CTNND2: variants seen among roughly 807,000 people sequenced by gnomAD.
CTNND2 encodes the protein catenin delta-2.
Under a neutral mutation model 144.4 loss-of-function variants are expected in CTNND2, and 22 were observed. That is an observed-to-expected ratio of 0.15 (90% confidence interval 0.11 to 0.22). The LOEUF (loss-of-function observed/expected upper bound fraction) is 0.22, where lower values mean the gene tolerates loss of function less well. CTNND2 is among the 10% of genes least tolerant of loss of function. The pLI is 1.00. For missense variants in CTNND2, 1,353 were observed against 1,618.8 expected (o/e 0.84, Z 2.82); for synonymous variants, 751 against 695.6 (o/e 1.08, Z -1.25).
intron 3 of CTNND2, among the ~76,000 whole-genome samples, chr5:11,479,670 T>C (rs1212340733): frequency 6.6e-6 from 1 of 152,182 alleles, no homozygotes; most frequent in Admixed American, 6.6e-5. Context: ...TGCTATTTTT[T>C]GATTTCTTAA....
chr5:10,981,340 G>A (rs1201083821), intron 21 of CTNND2, among the ~76,000 whole-genome samples: 1 of 152,200 alleles, frequency 6.6e-6, no homozygotes, highest in African/African-American at 2.4e-5. Flanking sequence ...TATTGAACTT[G>A]CTGTGTCTCC....
intron 16 of CTNND2, among the ~76,000 whole-genome samples, chr5:11,080,502 G>A (rs1368309655): frequency 6.6e-6 from 1 of 152,180 alleles, no homozygotes; most frequent in Non-Finnish European, 1.5e-5. Context: ...GTATCAGTAT[G>A]TCACAGAACC....
chr5:11,048,140 C>G (rs1218781286), intron 16 of CTNND2, among the ~76,000 whole-genome samples: 1 of 152,136 alleles, frequency 6.6e-6, no homozygotes, highest in African/African-American at 2.4e-5. Flanking sequence ...CACCTGAGCT[C>G]CCAGAACCTG....
chr5:11,682,153 G>C lies in CTNND2; in HGVS notation c.174+49983C>G, dbSNP rs1275837100. Among the ~76,000 whole-genome samples, 8 of 152,220 alleles carry C rather than the reference G, an allele frequency of 5.3e-5. 1 individual carries two copies. Among genetic ancestry groups the C allele is most frequent in the Admixed American group, 5.2e-4 (8 of 15,284 alleles). On this transcript the variant is annotated intron_variant, in intron 2 of 21. Transcript: ENST00000304623. ...AATTATCTCTGGTTTCTACAAAGAA[G>C]ACATGCATCGGCGGCACACTGGTTT...
At position 11,364,870 on chromosome 5, in the gene CTNND2, T is replaced by C. The variant is rs769198258; in HGVS notation, c.1198A>G (p.Ser400Gly). 3.1e-6 allele frequency: 5 copies of C among 1,612,198 alleles called. No individual in the cohort carries two copies. Among genetic ancestry groups the C allele is most frequent in the Non-Finnish European group, 3.4e-6 (4 of 1,179,168 alleles). The change falls in exon 8 of 22, where the codon AGC becomes GGC. Residue 400 changes from serine (S) to glycine (G), a missense_variant. Transcript: ENST00000304623. ...SLAAGSRASY[S>G]SQHGHLGPEL... ...GGGCCCAGGTGCCCATGCTGGCTGC[T>C]GTATGAGGCTCGGGAACCAGCTGAA...
chr5:11,386,991 A>G (rs557613431), intron 6 of CTNND2, among the ~76,000 whole-genome samples: 219 of 152,300 alleles, frequency 1.4e-3, no homozygotes, highest in Admixed American at 2.7e-3. Context: ...TCTGAGCATG[A>G]AACATGTATT....
chr5:11,073,703 T>C (rs1164532931), intron 16 of CTNND2, among the ~76,000 whole-genome samples: 8 of 152,176 alleles, frequency 5.3e-5, no homozygotes, highest in Non-Finnish European at 8.8e-5. Flanking sequence ...GCAGCATTCA[T>C]GAAATTAGGT....
At chr5:11,185,597 A>G (rs1735542681) in intron 11 of CTNND2, among the ~76,000 whole-genome samples, 1 of 152,246 alleles carries the variant, frequency 6.6e-6, no homozygotes, top group African/African-American at 2.4e-5. Flanking sequence ...CAACGACAAC[A>G]GCCGTCATGA....
chr5:11,793,577 C>T (rs1301872472), intron 1 of CTNND2, among the ~76,000 whole-genome samples: 2 of 152,162 alleles, frequency 1.3e-5, no homozygotes, highest in African/African-American at 4.8e-5. Context: ...AGGCAGAACG[C>T]CATGGGAACA....
intron 8 of CTNND2, among the ~76,000 whole-genome samples, chr5:11,361,209 C>T (rs1274344542): frequency 6.6e-6 from 1 of 152,066 alleles, no homozygotes; most frequent in Non-Finnish European, 1.5e-5. Flanking sequence ...TTAGTAGAGA[C>T]GGGGTTTCGC....
chr5:11,121,125 A>G (rs150150811), intron 12 of CTNND2, among the ~76,000 whole-genome samples: 2 of 152,350 alleles, frequency 1.3e-5, no homozygotes, highest in East Asian at 3.9e-4. Context: ...TGATACAGCT[A>G]TAAGCATCAC....
Position 11,626,343 on chromosome 5 carries a change from T to C in CTNND2, c.175-61287A>G, listed in dbSNP as rs142838606. ...ACCTCATTTAAAGTTTTAAATTGCA[T>C]TGTCTTAAAAATGAACACTATACTA... On this transcript the variant is annotated intron_variant, in intron 2 of 21. Transcript: ENST00000304623. Among the ~76,000 whole-genome samples, 5 of 152,330 alleles carry C rather than the reference T, an allele frequency of 3.3e-5. No homozygotes were observed. In the East Asian group the frequency reaches 5.8e-4, roughly 18 times the overall value.
chr5:10,988,072 C>T lies in CTNND2; in HGVS notation c.3343+39G>A. ...TATCTCTGCCTTGTCGCGGGTCAAG[C>T]CACCAAGTTCCAGGAGGGGGCGCGC... On this transcript the variant is annotated intron_variant, in intron 20 of 21. Coordinates refer to ENST00000304623, the MANE Select transcript of CTNND2 (RefSeq NM_001332.4). The surrounding 1 kb of genome is among the most constrained non-coding windows in gnomAD (Gnocchi z 5.9). The T allele has an allele frequency of 6.2e-7, 1 of 1,612,430 alleles. No individual in the cohort carries two copies. Among genetic ancestry groups the T allele is most frequent in the South Asian group, 1.1e-5 (1 of 90,812 alleles).
chr5:11,396,867 TTTA>T (rs1290385272), intron 6 of CTNND2, among the ~76,000 whole-genome samples, 161 bp downstream of exon 6: 1 of 152,234 alleles, frequency 6.6e-6, no homozygotes, highest in East Asian at 1.9e-4. Flanking sequence ...TATTTTATTA[TTTA>T]TTTTCTTCAT....
intron 2 of CTNND2, among the ~76,000 whole-genome samples, chr5:11,591,516 C>A (rs1199353570): frequency 6.6e-6 from 1 of 151,474 alleles, no homozygotes; most frequent in African/African-American, 2.4e-5. Flanking sequence ...CTGCTTGATG[C>A]TTCTAACATG....
chr5:10,987,298 A>G (rs1047063246), intron 20 of CTNND2, among the ~76,000 whole-genome samples: 1 of 152,328 alleles, frequency 6.6e-6, no homozygotes, highest in East Asian at 1.9e-4. Context: ...TACAGAGTGT[A>G]CAAGACGTAC....
chr5:11,880,657 TCAC>T (rs1225484554), intron 1 of CTNND2, among the ~76,000 whole-genome samples: 5 of 96,382 alleles, frequency 5.2e-5, no homozygotes, highest in South Asian at 3.5e-4. Context: ...ACTACTACTA[TCAC>T]CACTACTACT....
intron 9 of CTNND2, among the ~76,000 whole-genome samples, chr5:11,314,741 G>C (rs1046453294): frequency 6.6e-6 from 1 of 152,110 alleles, no homozygotes; most frequent in Non-Finnish European, 1.5e-5. Context: ...ATTTCTGTTT[G>C]AACCTCAAAG....
chr5:11,273,005 C>A (rs1208253501), intron 9 of CTNND2, among the ~76,000 whole-genome samples: 2 of 152,026 alleles, frequency 1.3e-5, no homozygotes, highest in African/African-American at 4.8e-5. Flanking sequence ...GGCATTCTCA[C>A]AAAAAATAAT....
Sources: gnomAD v4.1 joint callset for allele counts (sites outside exome capture counted in the v4.1 genomes callset) on GRCh38, gnomAD v4.1.1 for gene constraint, Gnocchi (gnomAD v3.1) non-coding constraint, MANE v1.5 for transcripts, NCBI Gene and HGNC (gene_info 2026-07-23, HGNC 2026-07-21) for gene names.